Variants in DTNBP1 observed in about 807,000 individuals in gnomAD.
DTNBP1 encodes dystrobrevin binding protein 1, also known as dysbindin.
A neutral mutation model predicts 42.8 loss-of-function variants in DTNBP1; 35 were observed. That is an observed-to-expected ratio of 0.82 (90% CI 0.63 to 1.09). The LOEUF (loss-of-function observed/expected upper bound fraction) is 1.09, where lower values mean the gene tolerates loss of function less well. Ranked by LOEUF, DTNBP1 falls within the 50% of genes least tolerant of loss-of-function variation. The pLI is 0.00. For missense variants in DTNBP1, 457 were observed against 424.2 expected (o/e 1.08, Z -0.68); for synonymous variants, 171 against 162.2 (o/e 1.05, Z -0.41).
At chr6:15,608,924 C>T (rs1267915859) in intron 6 of DTNBP1, among the ~76,000 whole-genome samples, 1 of 152,122 alleles carries the variant, frequency 6.6e-6, no homozygotes, top group East Asian at 1.9e-4. Flanking sequence ...TTTTGTCGGG[C>T]ACTTCATGGG....
intron 7 of DTNBP1, among the ~76,000 whole-genome samples, chr6:15,552,905 T>C (rs1774292693): frequency 6.6e-6 from 1 of 152,178 alleles, no homozygotes; most frequent in Non-Finnish European, 1.5e-5. Flanking sequence ...TCAAAAGTGA[T>C]TGTGAAATGA....
At chr6:15,635,070 T>C (rs984401217) in intron 4 of DTNBP1, among the ~76,000 whole-genome samples, 3 of 152,200 alleles carry the variant, frequency 2.0e-5, no homozygotes, top group Admixed American at 2.0e-4. Flanking sequence ...CATTTATAAG[T>C]GATCTATCTT....
intron 3 of DTNBP1, among the ~76,000 whole-genome samples, chr6:15,639,811 T>C (rs1760233644): frequency 6.6e-6 from 1 of 152,260 alleles, no homozygotes; most frequent in South Asian, 2.1e-4. Flanking sequence ...AGACTAATTA[T>C]AAATTGAAAA....
In DTNBP1 at chr6:15,652,207, G is replaced by C; in HGVS notation, c.57-67C>G. 3.1e-6 allele frequency: 4 copies of C among 1,299,898 alleles called. No homozygotes were observed. The East Asian group carries it at 1.0e-4, about 33-fold the overall frequency. 80.5% of individuals were successfully genotyped at this position (1,299,898 alleles called of 1,614,324 possible). A position where few individuals can be genotyped will look rare whatever the true frequency, so the allele number is the denominator to read the frequency against. ...GATTATTATTATTTTTTTGAGACAG[G>C]GTCTCACTCTGTCGTCCAGGCTGGA... is the stretch of plus-strand genomic sequence containing the variant. On this transcript the variant is annotated intron_variant, in intron 1 of 9. Transcript: ENST00000344537.
At chr6:15,643,108 C>T (rs184523054) in intron 3 of DTNBP1, among the ~76,000 whole-genome samples, 18 of 152,146 alleles carry the variant, frequency 1.2e-4, no homozygotes, top group East Asian at 9.6e-4. Context: ...AGCTATATTA[C>T]GAGAGAAACA....
intron 7 of DTNBP1, among the ~76,000 whole-genome samples, chr6:15,568,864 G>A (rs1332199858): frequency 1.3e-5 from 2 of 152,140 alleles, no homozygotes; most frequent in Non-Finnish European, 2.9e-5. Flanking sequence ...TCAGGCTTCC[G>A]CTCAATAGTA....
chr6:15,554,763 T>A (rs561288952), intron 7 of DTNBP1, among the ~76,000 whole-genome samples: 7 of 152,208 alleles, frequency 4.6e-5, no homozygotes, highest in South Asian at 4.2e-4. Context: ...AAAAAAATGG[T>A]GGCATTAGCA....
rs747939576 is a variant in DTNBP1 at position 15,637,739 on chromosome 6, T to C, written c.222+5A>G. On this transcript the variant is annotated splice_donor_5th_base_variant and intron_variant, in intron 4 of 9. Coordinates refer to ENST00000344537, the MANE Select transcript of DTNBP1 (RefSeq NM_032122.5). ...CCACGAGTATAAGATTAGTCAATTC[T>C]TTACCTCTCCAGCACTTGCACAGTC... 5.0e-5 allele frequency: 81 copies of C among 1,613,734 alleles called. No homozygotes were observed. Among genetic ancestry groups the C allele is most frequent in the Non-Finnish European group, 6.5e-5 (77 of 1,179,970 alleles).
At chr6:15,566,701 C>CTTTT (rs368168358) in intron 7 of DTNBP1, among the ~76,000 whole-genome samples, 4 of 132,978 alleles carry the variant, frequency 3.0e-5, no homozygotes, top group African/African-American at 5.8e-5. Context: ...AATGAATCTC[C>CTTTT]TTTTTTTTTT....
At chr6:15,547,327 C>A (rs1773940525) in intron 7 of DTNBP1, among the ~76,000 whole-genome samples, 1 of 152,126 alleles carries the variant, frequency 6.6e-6, no homozygotes, top group South Asian at 2.1e-4. Flanking sequence ...TTCCTGGACC[C>A]CATATCCAGA....
chr6:15,662,685 G>A, intron 1 of DTNBP1, 129 bp downstream of exon 1: 2 of 1,283,476 alleles, frequency 1.6e-6, no homozygotes, highest in South Asian at 1.2e-5. Flanking sequence ...TTCCTCGGCG[G>A]GGCGGGGCGG....
At chr6:15,649,588 A>C (rs921678194) in intron 3 of DTNBP1, among the ~76,000 whole-genome samples, 1 of 152,184 alleles carries the variant, frequency 6.6e-6, no homozygotes, top group African/African-American at 2.4e-5. Context: ...TGGATGCACA[A>C]CCATGTGAAC....
intron 7 of DTNBP1, 132 bp from the exon 8 acceptor site, chr6:15,533,527 G>A (rs1773017907): frequency 5.5e-6 from 8 of 1,448,952 alleles, no homozygotes; most frequent in Admixed American, 3.4e-5. Flanking sequence ...CTGGTGCCCC[G>A]ACTGCGTGTA....
At chr6:15,617,318 C>T (rs61702458) in intron 5 of DTNBP1, among the ~76,000 whole-genome samples, 3,875 of 151,934 alleles carry the variant, frequency 0.026, 181 homozygotes, top group African/African-American at 0.087. Flanking sequence ...AGATTAAATG[C>T]AATCCCTATC....
intron 6 of DTNBP1, among the ~76,000 whole-genome samples, chr6:15,610,963 A>G (rs1281842994): frequency 6.6e-6 from 1 of 152,272 alleles, no homozygotes; most frequent in Non-Finnish European, 1.5e-5. Context: ...TCTAGCTACG[A>G]TAACTGATGA....
At chr6:15,591,971 C>A (rs974665049) in intron 7 of DTNBP1, among the ~76,000 whole-genome samples, 2 of 152,190 alleles carry the variant, frequency 1.3e-5, no homozygotes, top group Non-Finnish European at 2.9e-5. Context: ...GCCATGACAA[C>A]ACATTGTATC....
At chr6:15,617,040 T>C (rs1490302413) in intron 5 of DTNBP1, among the ~76,000 whole-genome samples, 1 of 151,978 alleles carries the variant, frequency 6.6e-6, no homozygotes, top group African/African-American at 2.4e-5. Context: ...TTACAAAATA[T>C]TACAATACTT....
At chr6:15,636,621 AT>A (rs969963031) in intron 4 of DTNBP1, among the ~76,000 whole-genome samples, 27 of 152,114 alleles carry the variant, frequency 1.8e-4, no homozygotes, top group African/African-American at 5.1e-4. Flanking sequence ...CAACAGGTAC[AT>A]TTTTTTTCCC....
chr6:15,541,816 C>A (rs776805764), intron 7 of DTNBP1, among the ~76,000 whole-genome samples: 9 of 151,988 alleles, frequency 5.9e-5, no homozygotes, highest in Non-Finnish European at 1.2e-4. Context: ...TTAAAAAAAA[C>A]CAAGTTCATT....
Sources: gnomAD v4.1 joint callset for allele counts (sites outside exome capture counted in the v4.1 genomes callset) on GRCh38, gnomAD v4.1.1 for gene constraint, MANE v1.5 for transcripts, NCBI Gene and HGNC (gene_info 2026-07-23, HGNC 2026-07-21) for gene names.